Variants in PLXNC1 observed in about 807,000 individuals in gnomAD.
PLXNC1 encodes plexin-C1.
In PLXNC1, 75 loss-of-function variants were observed where a neutral mutation model predicts 178.2. The ratio of observed to expected loss-of-function variants is 0.42; its 90% CI spans 0.35 to 0.51. The LOEUF (loss-of-function observed/expected upper bound fraction) is 0.51, where lower values mean the gene tolerates loss of function less well. Among genes scored for constraint, PLXNC1 ranks in the 20% least tolerant of loss-of-function variants. The pLI is 0.02. For synonymous variants in PLXNC1, 790 were observed against 779.9 expected (o/e 1.01, Z -0.22); for missense variants, 1,503 against 1,984.4 (o/e 0.76, Z 4.61).
At chr12:94,249,296 G>C (rs566070623) in intron 14 of PLXNC1, among the ~76,000 whole-genome samples, 1 of 152,100 alleles carries the variant, frequency 6.6e-6, no homozygotes, top group African/African-American at 2.4e-5. Flanking sequence ...ACAGTGGCAC[G>C]ATCTTGGCTT....
At chr12:94,193,474 G>A (rs1030284811) in intron 4 of PLXNC1, among the ~76,000 whole-genome samples, 2 of 152,124 alleles carry the variant, frequency 1.3e-5, no homozygotes, top group Non-Finnish European at 2.9e-5. Context: ...TAAAAATAGG[G>A]CCATAAAATG....
At chr12:94,203,067 G>C (rs1963189784) in intron 4 of PLXNC1, among the ~76,000 whole-genome samples, 1 of 152,152 alleles carries the variant, frequency 6.6e-6, no homozygotes, top group African/African-American at 2.4e-5. Flanking sequence ...GCTGCTGCAG[G>C]AACCCAGGTG....
At position 94,177,081 on chromosome 12, in the gene PLXNC1, A is replaced by G. The variant is rs1296106318; in HGVS notation, c.1204-4365A>G. The stretch of plus-strand genomic sequence containing the variant: ...TGTGTGTGTGTGTGTGTGTGTGTAT[A>G]TATATATGTGTATATATATATGTGT... On this transcript the variant is annotated intron_variant, in intron 2 of 30. Transcript: ENST00000258526. Among the ~76,000 whole-genome samples the G allele has an allele frequency of 2.7e-4, 39 of 145,332 alleles. 1 individual carries two copies. The highest frequency in any genetic ancestry group is 7.3e-4 in the African/African-American group (29 of 39,496).
rs568583330 is a variant in PLXNC1 at position 94,271,718 on chromosome 12, G to A, written c.3597+6493G>A. Among the ~76,000 whole-genome samples the A allele has an allele frequency of 2.6e-5, 4 of 152,196 alleles. No individual in the cohort carries two copies. In the South Asian group the frequency reaches 6.2e-4, roughly 24 times the overall value. On this transcript the variant is annotated intron_variant, in intron 21 of 30. Coordinates refer to ENST00000258526, the MANE Select transcript of PLXNC1 (RefSeq NM_005761.3). ...TGTACCACGTCTAGCCATCTTTCCT[G>A]GTGTGAAGTAGGTGCTCATTCTTTT...
intron 10 of PLXNC1, among the ~76,000 whole-genome samples, chr12:94,238,728 G>A (rs1056868474): frequency 1.3e-5 from 2 of 152,144 alleles, no homozygotes; most frequent in African/African-American, 2.4e-5. Flanking sequence ...AATCTGCTAT[G>A]CTTATTTACT....
intron 3 of PLXNC1, among the ~76,000 whole-genome samples, chr12:94,184,128 T>C (rs59495669): frequency 0.021 from 3,229 of 151,810 alleles, 144 homozygotes; most frequent in African/African-American, 0.074. Flanking sequence ...TCTCTCTCTT[T>C]TTTTTTTTTA....
At chr12:94,227,977 CAGAAA>C (rs1963992902) in intron 9 of PLXNC1, among the ~76,000 whole-genome samples, 1 of 152,128 alleles carries the variant, frequency 6.6e-6, no homozygotes, top group African/African-American at 2.4e-5. Context: ...TGGAGTCTAG[CAGAAA>C]TAGACAAATT....
Position 94,279,583 on chromosome 12 carries a change from A to G in PLXNC1, c.3709A>G (p.Ile1237Val). 1 of 1,614,186 alleles carries G rather than the reference A, an allele frequency of 6.2e-7. No homozygotes were observed. Among genetic ancestry groups the G allele is most frequent in the Non-Finnish European group, 8.5e-7 (1 of 1,180,028 alleles). Residue 1237 changes from isoleucine to valine, a missense_variant, in exon 22 of 31, where the codon ATT (isoleucine) becomes GTT (valine). Coordinates refer to ENST00000258526, the MANE Select transcript of PLXNC1 (RefSeq NM_005761.3). ...CDTIGQAKEK[I>V]FQAFLSKNGS... ...CACCATTGGCCAAGCCAAAGAAAAG[A>G]TTTTCCAAGCATTCTTAAGCAAAAA...
rs561954729 is a variant in PLXNC1, at chr12:94,285,800, TTGA to T, written c.3879+3403_3879+3405del. Among the ~76,000 whole-genome samples, 37 of 152,272 alleles carry T rather than the reference TTGA, an allele frequency of 2.4e-4. No individual in the cohort carries two copies. In the South Asian group the frequency reaches 6.8e-3, roughly 28 times the overall value. ...CCTGTGTCTGGGTGGCAGGCTTGTC[TTGA>T]TGAGTTAGGAGGGGACACAGACTCC... On this transcript the variant is annotated intron_variant, in intron 23 of 30. Coordinates refer to ENST00000258526, the MANE Select transcript of PLXNC1 (RefSeq NM_005761.3).
intron 21 of PLXNC1, among the ~76,000 whole-genome samples, chr12:94,273,191 G>A (rs1175135740): frequency 1.3e-5 from 2 of 152,162 alleles, no homozygotes; most frequent in Admixed American, 6.5e-5. Context: ...ATAAATGCTG[G>A]TCCTTATTAT....
rs777460126 is a variant in PLXNC1 at position 94,240,685 on chromosome 12, C to T, written c.2300+21C>T. 9.5e-6 allele frequency: 15 copies of T among 1,574,106 alleles called. No individual in the cohort carries two copies. In the South Asian group the frequency reaches 1.7e-4, roughly 18 times the overall value. On this transcript the variant is annotated intron_variant, in intron 11 of 30. Coordinates refer to ENST00000258526, the MANE Select transcript of PLXNC1 (RefSeq NM_005761.3). ...ATCAGGTACTTTCTAGATTCATAAT[C>T]TTTTTCTCATTGTGGTTAAAGGTCA...
At chr12:94,265,005 C>G in intron 20 of PLXNC1, 74 bp from the exon 21 acceptor site, 1 of 1,484,360 alleles carries the variant, frequency 6.7e-7, no homozygotes, top group Non-Finnish European at 9.3e-7. Context: ...CTGCTGTAAA[C>G]AGAAACTTTA....
At position 94,220,096 on chromosome 12, in the gene PLXNC1, C is replaced by T. The variant is rs1963752222; in HGVS notation, c.1635C>T (p.Leu545=). Residue 545 remains leucine, a synonymous_variant, in exon 6 of 31, where the codon CTC becomes CTT. Coordinates refer to ENST00000258526, the MANE Select transcript of PLXNC1 (RefSeq NM_005761.3). ...AGAATGTGGACTCTAGCAGGGAGCT[C>T]TGCCAGAATAAAAGTCAGCCCAACC... is the stretch of plus-strand genomic sequence containing the variant. ...MVKNVDSSRE[L]CQNKSQPNRT... The T allele has an allele frequency of 6.2e-7, 1 of 1,613,936 alleles. No homozygotes were observed. Among genetic ancestry groups the T allele is most frequent in the Admixed American group, 1.7e-5 (1 of 59,990 alleles).
chr12:94,178,268 T>C (rs1962175478), intron 2 of PLXNC1, among the ~76,000 whole-genome samples: 1 of 152,234 alleles, frequency 6.6e-6, no homozygotes, highest in African/African-American at 2.4e-5. Flanking sequence ...CTACTCCTGC[T>C]TCCTAGTGCT....
At position 94,304,057 on chromosome 12, in the gene PLXNC1, A is replaced by C; in HGVS notation, c.4602+6A>C. ...TCGTAAAATATTTTGATGAGGTAAG[A>C]TTTTAAATAACATTGTTTTTAACCT... On this transcript the variant is annotated splice_donor_region_variant and intron_variant, in intron 30 of 30. Transcript: ENST00000258526. 1 of 1,472,354 alleles carries C rather than the reference A, an allele frequency of 6.8e-7. No homozygotes were observed. The highest frequency in any genetic ancestry group is 9.5e-7 in the Non-Finnish European group (1 of 1,055,872). 91.2% of individuals were successfully genotyped at this position (1,472,354 alleles called of 1,614,324 possible).
In PLXNC1 at chr12:94,169,365, T is replaced by TC. The variant is rs1961755038; in HGVS notation, c.1203+72_1203+73insC. ...TTTGTACTTTAAAAAAACATTTTTT[T>TC]AATGCTTCTGGGTTATACATGAGAC... On this transcript the variant is annotated intron_variant, in intron 2 of 30. Transcript: ENST00000258526. The TC allele has an allele frequency of 5.0e-6, 7 of 1,389,346 alleles. No individual in the cohort carries two copies. In the South Asian group the frequency reaches 7.3e-5, roughly 14 times the overall value. The allele number at this position is 1,389,346 out of a possible 1,614,324, so 86.1% of individuals were successfully genotyped here.
At chr12:94,177,137 A>ATATATGTGTGTGTG (rs201041826) in intron 2 of PLXNC1, among the ~76,000 whole-genome samples, 12 of 67,404 alleles carry the variant, frequency 1.8e-4, no homozygotes, top group African/African-American at 8.4e-4. Context: ...GTGTATATAT[A>ATATATGTGTGTGTG]TGTGTGTGTG....
intron 4 of PLXNC1, among the ~76,000 whole-genome samples, chr12:94,189,446 A>G (rs1260789252): frequency 6.6e-6 from 1 of 152,158 alleles, no homozygotes; most frequent in African/African-American, 2.4e-5. Flanking sequence ...TGGGAGGCCA[A>G]AGTGGGTGGA....
At chr12:94,252,321 T>C (rs1964719205) in intron 15 of PLXNC1, among the ~76,000 whole-genome samples, 1 of 152,260 alleles carries the variant, frequency 6.6e-6, no homozygotes, top group Admixed American at 6.5e-5. Context: ...GTTCCAACAC[T>C]TTGGGAGGCC....
Sources: gnomAD v4.1 joint callset for allele counts (sites outside exome capture counted in the v4.1 genomes callset) on GRCh38, gnomAD v4.1.1 for gene constraint, MANE v1.5 for transcripts, NCBI Gene and HGNC (gene_info 2026-07-23, HGNC 2026-07-21) for gene names.